Variants in ROBO1 observed in about 807,000 individuals in gnomAD.
ROBO1 encodes the protein roundabout guidance receptor 1, also known as roundabout homolog 1.
In ROBO1, 149 loss-of-function variants were observed where a neutral mutation model predicts 195.9. That is an observed-to-expected ratio of 0.76 (90% CI 0.67 to 0.87). The LOEUF is 0.87. Ranked by LOEUF, ROBO1 falls within the 40% of genes least tolerant of loss-of-function variation. The pLI is 0.00. For missense variants in ROBO1, 1,933 were observed against 2,068.3 expected, an observed-to-expected ratio of 0.93 and a Z score of 1.27; for synonymous variants, 816 against 733.2, an observed-to-expected ratio of 1.11 and a Z score of -1.82.
rs150665398 is a variant in ROBO1, at chr3:79,157,761, T to C, written c.89-32222A>G. On this transcript the variant is annotated intron_variant, in intron 2 of 30. Transcript: ENST00000464233. ...AAATTCAAACATTATGAACAAATAA[T>C]CTAGGTAACCACAGATATATTAGCT... is the stretch of plus-strand genomic sequence containing the variant. Among the ~76,000 whole-genome samples the C allele has an allele frequency of 3.4e-4, 52 of 152,018 alleles. 2 individuals are homozygous for C. In the East Asian group the frequency reaches 9.5e-3, roughly 28 times the overall value.
chr3:78,820,479 C>T (rs760724069), intron 4 of ROBO1, among the ~76,000 whole-genome samples: 10 of 152,072 alleles, frequency 6.6e-5, no homozygotes, highest in Non-Finnish European at 1.2e-4. Context: ...AGAACAAATG[C>T]TTGTTAAATG....
chr3:79,505,865 G>A (rs1940364165), intron 2 of ROBO1, among the ~76,000 whole-genome samples: 1 of 152,152 alleles, frequency 6.6e-6, no homozygotes, highest in Non-Finnish European at 1.5e-5. Flanking sequence ...AATAGGTGAG[G>A]TATGCTTTGA....
intron 14 of ROBO1, among the ~76,000 whole-genome samples, chr3:78,664,500 G>C (rs1347596923): frequency 6.6e-6 from 1 of 152,146 alleles, no homozygotes; most frequent in Non-Finnish European, 1.5e-5. Context: ...TAACTGCCAG[G>C]TGCTCATCTC....
chr3:79,311,728 A>C lies in ROBO1; in HGVS notation c.89-186189T>G, dbSNP rs774885529. Reference sequence around the variant, plus strand: ...CCTGTATTGTGTATTTGCTAGATTCAGCTTTTAAAGTGTTTTACGTACATT... The same window carrying C: ...CCTGTATTGTGTATTTGCTAGATTCCGCTTTTAAAGTGTTTTACGTACATT... On this transcript the variant is annotated intron_variant, in intron 2 of 30. Coordinates refer to ENST00000464233, the MANE Select transcript of ROBO1 (RefSeq NM_002941.4). Among the ~76,000 whole-genome samples, 119 of 152,292 alleles carry C rather than the reference A, an allele frequency of 7.8e-4. 1 individual carries two copies. The highest frequency in any genetic ancestry group is 3.9e-4 in the Admixed American group (6 of 15,296).
chr3:78,835,631 AG>A (rs1486563132), intron 4 of ROBO1, among the ~76,000 whole-genome samples: 2 of 79,670 alleles, frequency 2.5e-5, no homozygotes, highest in Admixed American at 1.9e-4. Context: ...AGTTTTAAGC[AG>A]ACAATTTGTC....
intron 2 of ROBO1, among the ~76,000 whole-genome samples, chr3:79,325,638 C>T (rs1464021873): frequency 2.0e-5 from 3 of 152,172 alleles, no homozygotes; most frequent in African/African-American, 7.2e-5. Flanking sequence ...TTTATAATTT[C>T]TTATGCCTGT....
chr3:78,917,680 C>T (rs2038694276), intron 4 of ROBO1, among the ~76,000 whole-genome samples: 1 of 152,250 alleles, frequency 6.6e-6, no homozygotes, highest in South Asian at 2.1e-4. Context: ...ACATCCGGAA[C>T]CTTTAAGCGG....
chr3:78,616,044 A>G (rs1035092462), intron 27 of ROBO1, among the ~76,000 whole-genome samples: 1 of 152,194 alleles, frequency 6.6e-6, no homozygotes, highest in African/African-American at 2.4e-5. Context: ...AAAGTTACAT[A>G]TCCATGAAAA....
intron 3 of ROBO1, among the ~76,000 whole-genome samples, chr3:78,994,145 C>G: frequency 6.6e-6 from 1 of 152,122 alleles, no homozygotes; most frequent in East Asian, 1.9e-4. Context: ...AGATACAGAA[C>G]AGAGTTTTAA....
intron 2 of ROBO1, among the ~76,000 whole-genome samples, chr3:79,187,093 C>A (rs2081453830): frequency 6.6e-6 from 1 of 152,018 alleles, no homozygotes; most frequent in African/African-American, 2.4e-5. Flanking sequence ...AGAAGAGATC[C>A]AAAGGTATCT....
At chr3:79,588,038 AG>A (rs1398189689) in intron 2 of ROBO1, among the ~76,000 whole-genome samples, 1 of 151,718 alleles carries the variant, frequency 6.6e-6, no homozygotes, top group African/African-American at 2.4e-5. Context: ...TTTTTAAGAC[AG>A]TGTTGCCTCA....
intron 3 of ROBO1, among the ~76,000 whole-genome samples, chr3:79,106,678 A>G (rs2079787512): frequency 1.3e-5 from 2 of 151,692 alleles, no homozygotes; most frequent in Admixed American, 6.6e-5. Flanking sequence ...ACGAGTGTGA[A>G]TGACATAGTA....
At chr3:78,631,444 T>C in intron 24 of ROBO1, 139 bp from the exon 25 acceptor site, 1 of 1,006,252 alleles carries the variant, frequency 9.9e-7, no homozygotes, top group East Asian at 2.7e-5. Context: ...TTCATTAATT[T>C]TAAACAGAAC....
chr3:79,353,607 T>C lies in ROBO1; in HGVS notation c.89-228068A>G, dbSNP rs544601328. ...CGTGTGGACATGGAGGTGCTGGGGA[T>C]AAACTCAGAGGGCCCTTTTACACCC... On this transcript the variant is annotated intron_variant, in intron 2 of 30. Transcript: ENST00000464233. Among the ~76,000 whole-genome samples, 10 of 152,262 alleles carry C rather than the reference T, an allele frequency of 6.6e-5. No homozygotes were observed. In the South Asian group the frequency reaches 2.1e-3, roughly 32 times the overall value.
At chr3:79,555,169 G>A (rs1433132461) in intron 2 of ROBO1, among the ~76,000 whole-genome samples, 1 of 152,014 alleles carries the variant, frequency 6.6e-6, no homozygotes, top group Non-Finnish European at 1.5e-5. Context: ...ATTGTTATTT[G>A]CAGTGCTTTA....
At position 79,227,661 on chromosome 3, in the gene ROBO1, C is replaced by T. The variant is rs184408452; in HGVS notation, c.89-102122G>A. On this transcript the variant is annotated intron_variant, in intron 2 of 30. Transcript: ENST00000464233. ...CACCAAATTACACTCAAATTAATCTCTCTACCTCCAGTGCCAACAGCTTAG... is the reference window on the plus strand; with the variant it reads ...CACCAAATTACACTCAAATTAATCTTTCTACCTCCAGTGCCAACAGCTTAG... Among the ~76,000 whole-genome samples, 271 of 152,280 alleles carry T rather than the reference C, an allele frequency of 1.8e-3. 1 individual carries two copies. Among genetic ancestry groups the T allele is most frequent in the African/African-American group, 6.2e-3 (258 of 41,556 alleles).
chr3:78,892,975 T>A (rs2036994589), intron 4 of ROBO1, among the ~76,000 whole-genome samples: 1 of 152,148 alleles, frequency 6.6e-6, no homozygotes, highest in African/African-American at 2.4e-5. Context: ...CCCACTTTAG[T>A]CCCCTGGATT....
chr3:79,270,068 G>T (rs967476116), intron 2 of ROBO1, among the ~76,000 whole-genome samples: 1 of 151,732 alleles, frequency 6.6e-6, no homozygotes, highest in African/African-American at 2.4e-5. Context: ...TGGTAGCTCA[G>T]TTTCTATTTT....
Position 78,738,150 on chromosome 3 carries a change from G to T in ROBO1, c.657+8593C>A, listed in dbSNP as rs139893156. Among the ~76,000 whole-genome samples, 672 of 152,274 alleles carry T rather than the reference G, an allele frequency of 4.4e-3. 4 individuals are homozygous for T. The highest frequency in any genetic ancestry group is 7.7e-3 in the South Asian group (37 of 4,826). ...GAGACATGTGGGAATTGGGAGGAAA[G>T]GAAGCAATTGGCAAGGAGTGGGCTG... On this transcript the variant is annotated intron_variant, in intron 5 of 30. Transcript: ENST00000464233.
Sources: gnomAD v4.1 joint callset for allele counts (sites outside exome capture counted in the v4.1 genomes callset) on GRCh38, gnomAD v4.1.1 for gene constraint, MANE v1.5 for transcripts, NCBI Gene and HGNC (gene_info 2026-07-23, HGNC 2026-07-21) for gene names.